Variants in CSMD1 observed in about 807,000 individuals in gnomAD.
CSMD1 encodes the protein CUB and sushi domain-containing protein 1.
Under a neutral mutation model 417.5 loss-of-function variants are expected in CSMD1, and 213 were observed. The ratio of observed to expected loss-of-function variants is 0.51; its 90% confidence interval spans 0.46 to 0.57. CSMD1 has a LOEUF of 0.57. CSMD1 is among the 20% of genes least tolerant of loss of function. The pLI is 0.00. For synonymous variants in CSMD1, 2,862 were observed against 1,736.8 expected (o/e 1.65, Z -16.11); for missense variants, 6,923 against 4,529.7 (o/e 1.53, Z -15.17).
At chr8:3,070,789 G>C (rs1454002902) in intron 49 of CSMD1, among the ~76,000 whole-genome samples, 1 of 152,188 alleles carries the variant, frequency 6.6e-6, no homozygotes, top group Non-Finnish European at 1.5e-5. Context: ...TTCCAAAGCT[G>C]CTTCAACATT....
rs369387669 is a variant in CSMD1, at chr8:3,708,439, C to T, written c.984G>A (p.Lys328=). ...AGACAGAGTTTTTATGGCTTCCATC[C>T]TTGCTGGGCAGCATCTTGACTCCTC... ...KSRGVKMLPS[K]DGSHKNSVLS... The change falls in exon 7 of 70, where the codon AAG becomes AAA. Residue 328 remains lysine, a synonymous_variant. Coordinates refer to ENST00000635120, the MANE Select transcript of CSMD1 (RefSeq NM_033225.6). 1.4e-4 allele frequency: 221 copies of T among 1,613,920 alleles called. No homozygotes were observed. The highest frequency in any genetic ancestry group is 1.7e-4 in the Non-Finnish European group (197 of 1,179,864).
intron 11 of CSMD1, among the ~76,000 whole-genome samples, chr8:3,490,869 A>C (rs1039037088): frequency 5.0e-5 from 6 of 118,868 alleles, no homozygotes; most frequent in African/African-American, 2.1e-4. Context: ...AAATAAAAAG[A>C]AAAAAATTTT....
chr8:4,054,212 C>T (rs1302537819), intron 3 of CSMD1, among the ~76,000 whole-genome samples: 2 of 152,082 alleles, frequency 1.3e-5, no homozygotes, highest in East Asian at 1.9e-4. Flanking sequence ...AATGATTTGG[C>T]GCCACCTCTC....
intron 50 of CSMD1, among the ~76,000 whole-genome samples, chr8:3,032,215 T>C (rs1284463054): frequency 6.6e-6 from 1 of 151,952 alleles, no homozygotes. Context: ...GTGCAAATTA[T>C]CATTTTATTT....
intron 1 of CSMD1, among the ~76,000 whole-genome samples, chr8:4,770,845 C>A (rs974829508): frequency 1.3e-5 from 2 of 151,994 alleles, no homozygotes; most frequent in Non-Finnish European, 2.9e-5. Context: ...GACCTGAAAC[C>A]ATGAAAATCC....
At position 3,563,823 on chromosome 8, in the gene CSMD1, A is replaced by C. The variant is rs189021163; in HGVS notation, c.1344+11122T>G. Among the ~76,000 whole-genome samples the C allele has an allele frequency of 2.7e-4, 41 of 152,272 alleles. No homozygotes were observed. In the East Asian group the frequency reaches 7.3e-3, roughly 27 times the overall value. Reference sequence around the variant, plus strand: ...AGAATTTCTTGATCTCAGGAGGCGGAGGTTGCAGTGAGCCAAGAGTATGCC... The same window carrying C: ...AGAATTTCTTGATCTCAGGAGGCGGCGGTTGCAGTGAGCCAAGAGTATGCC... On this transcript the variant is annotated intron_variant, in intron 10 of 69. Transcript: ENST00000635120.
chr8:3,317,001 G>A (rs894335), intron 23 of CSMD1, among the ~76,000 whole-genome samples: 19,877 of 152,098 alleles, frequency 0.13, 1,347 homozygotes, highest in Non-Finnish European at 0.14. Flanking sequence ...GAGTGTGTGC[G>A]TGGATGAAGC....
At chr8:3,442,010 C>A in intron 12 of CSMD1, among the ~76,000 whole-genome samples, 1 of 151,006 alleles carries the variant, frequency 6.6e-6, no homozygotes, top group South Asian at 2.1e-4. Context: ...TAGGCCTAAG[C>A]TATGTTTTGT....
At chr8:3,939,195 C>A (rs1451315855) in intron 5 of CSMD1, among the ~76,000 whole-genome samples, 1 of 152,000 alleles carries the variant, frequency 6.6e-6, no homozygotes, top group African/African-American at 2.4e-5. Context: ...TATAAGAGAA[C>A]CCAACACAAA....
In CSMD1 at chr8:3,772,215, C is replaced by T. The variant is rs1324236862; in HGVS notation, c.819-18173G>A. 5.8e-4 allele frequency among the ~76,000 whole-genome samples: 71 copies of T among 122,294 alleles called. 5 individuals are homozygous for T. Among genetic ancestry groups the T allele is most frequent in the South Asian group, 1.0e-3 (4 of 3,840 alleles). The allele number at this position is 122,294 out of a possible 152,430, so 80.2% of individuals were successfully genotyped here. A position where few individuals can be genotyped will look rare whatever the true frequency, so the allele number is the denominator to read the frequency against. On this transcript the variant is annotated intron_variant, in intron 5 of 69. Transcript: ENST00000635120. ...ACACACACACACACACACACACACA[C>T]ATATAATACACACACATATTTATAT...
chr8:3,420,437 AG>A (rs908104075), intron 12 of CSMD1, among the ~76,000 whole-genome samples: 3 of 151,824 alleles, frequency 2.0e-5, no homozygotes, highest in African/African-American at 7.2e-5. Context: ...AAAAAAAAAA[AG>A]CCATGGAAAT....
chr8:4,908,024 C>T (rs902281775), intron 1 of CSMD1, among the ~76,000 whole-genome samples: 2 of 147,426 alleles, frequency 1.4e-5, no homozygotes, highest in Admixed American at 6.6e-5. Flanking sequence ...AAAATAATTA[C>T]TTTTCTTCTG....
At chr8:4,329,840 C>A (rs536366638) in intron 3 of CSMD1, among the ~76,000 whole-genome samples, 29 of 123,762 alleles carry the variant, frequency 2.3e-4, no homozygotes, top group Admixed American at 7.1e-4. Flanking sequence ...TGTGTGGCAC[C>A]ACCCTGCTTA....
At chr8:4,153,910 C>A (rs990434297) in intron 3 of CSMD1, among the ~76,000 whole-genome samples, 1 of 152,236 alleles carries the variant, frequency 6.6e-6, no homozygotes, top group Non-Finnish European at 1.5e-5. Flanking sequence ...CATCATCTAA[C>A]CCAGCCAACG....
chr8:3,835,720 C>CAAA lies in CSMD1; in HGVS notation c.819-81681_819-81679dup, dbSNP rs34306675. On this transcript the variant is annotated intron_variant, in intron 5 of 69. Coordinates refer to ENST00000635120, the MANE Select transcript of CSMD1 (RefSeq NM_033225.6). ...GAAACTTAAAGTATAATAAAATTAA[C>CAAA]AAAAAAAAAAAAAAAGAAATTTGGA... Among the ~76,000 whole-genome samples, 19 of 144,910 alleles carry CAAA rather than the reference C, an allele frequency of 1.3e-4. 1 individual carries two copies. Among genetic ancestry groups the CAAA allele is most frequent in the African/African-American group, 4.2e-4 (17 of 40,058 alleles).
chr8:4,713,757 G>C (rs1380191957), intron 1 of CSMD1, among the ~76,000 whole-genome samples: 1 of 152,162 alleles, frequency 6.6e-6, no homozygotes, highest in African/African-American at 2.4e-5. Flanking sequence ...TCCACGGACA[G>C]GTAAGTTCTG....
chr8:4,776,084 T>G (rs1383271341), intron 1 of CSMD1, among the ~76,000 whole-genome samples: 1 of 151,960 alleles, frequency 6.6e-6, no homozygotes, highest in Non-Finnish European at 1.5e-5. Context: ...GATCTCAGAT[T>G]TGAAGAAGCA....
chr8:3,743,316 G>A (rs1012792109), intron 6 of CSMD1, among the ~76,000 whole-genome samples: 12 of 152,228 alleles, frequency 7.9e-5, no homozygotes, highest in African/African-American at 1.4e-4. Flanking sequence ...TTTCCTGGAT[G>A]CTGGAAGCAA....
intron 7 of CSMD1, among the ~76,000 whole-genome samples, chr8:3,629,690 G>C (rs1677030525): frequency 6.6e-6 from 1 of 151,996 alleles, no homozygotes; most frequent in African/African-American, 2.4e-5. Flanking sequence ...TACGGAGATA[G>C]AAAAGACCAC....
Sources: allele counts gnomAD v4.1 joint callset (sites outside exome capture counted in the v4.1 genomes callset), GRCh38; gene constraint gnomAD v4.1.1; transcripts MANE v1.5; gene names NCBI Gene and HGNC (gene_info 2026-07-23, HGNC 2026-07-21).